Variants in CLVS1 observed in about 807,000 individuals in gnomAD.
CLVS1 encodes the protein clavesin-1.
A neutral mutation model predicts 33.1 loss-of-function variants in CLVS1; 10 were observed. The ratio of observed to expected loss-of-function variants is 0.30; its 90% CI spans 0.19 to 0.51. CLVS1 has a LOEUF of 0.51. Ranked by LOEUF, CLVS1 falls within the 20% of genes least tolerant of loss-of-function variation. CLVS1 has a pLI of 0.97. For missense variants in CLVS1, 343 were observed against 433.4 expected, an observed-to-expected ratio of 0.79 and a Z score of 1.85; for synonymous variants, 163 against 166.1, an observed-to-expected ratio of 0.98 and a Z score of 0.14.
intron 2 of CLVS1, among the ~76,000 whole-genome samples, chr8:61,161,827 T>G (rs897702716): frequency 6.6e-6 from 1 of 152,242 alleles, no homozygotes; most frequent in Non-Finnish European, 1.5e-5. Context: ...TGTGAGGTGA[T>G]GGCTATGTTG....
the CLVS1 span, among the ~76,000 whole-genome samples, chr8:61,045,376 T>C: frequency 6.6e-6 from 1 of 152,198 alleles, no homozygotes; most frequent in Non-Finnish European, 1.5e-5. Context: ...TGACAAGGGA[T>C]CACCTATAAC....
the CLVS1 span, among the ~76,000 whole-genome samples, chr8:60,972,340 A>C: frequency 6.6e-6 from 1 of 152,312 alleles, no homozygotes; most frequent in East Asian, 1.9e-4. Flanking sequence ...GCATGGGCCA[A>C]ACTAACTCTG....
chr8:61,169,973 C>T (rs1001425052), intron 2 of CLVS1, among the ~76,000 whole-genome samples: 2 of 152,120 alleles, frequency 1.3e-5, no homozygotes, highest in Non-Finnish European at 2.9e-5. Context: ...ACAGAAGCTA[C>T]TTATTATTGT....
In CLVS1 at chr8:61,414,697, A is replaced by C. The variant is rs962366902; in HGVS notation, c.630+37918A>C. Among the ~76,000 whole-genome samples, 10 of 152,308 alleles carry C rather than the reference A, an allele frequency of 6.6e-5. No individual in the cohort carries two copies. The East Asian group carries it at 1.9e-3, about 29-fold the overall frequency. ...TAAGGAAAGCTGAAGTCCACAGATG[A>C]AGAGAAAGAGAAACACCCTCAAGGT... On this transcript the variant is annotated intron_variant, in intron 3 of 5. Coordinates refer to ENST00000325897, the MANE Select transcript of CLVS1 (RefSeq NM_173519.3).
chr8:61,309,528 G>A lies in CLVS1; in HGVS notation c.455+9246G>A, dbSNP rs575155714. On this transcript the variant is annotated intron_variant, in intron 2 of 5. Coordinates refer to ENST00000325897, the MANE Select transcript of CLVS1 (RefSeq NM_173519.3). The stretch of plus-strand genomic sequence containing the variant: ...TTTCCTTCACGATTGTGAACATGAA[G>A]ACACTGTCATATTTACTTTCTCATG... Among the ~76,000 whole-genome samples the A allele has an allele frequency of 2.0e-5, 3 of 152,138 alleles. No homozygotes were observed. In the South Asian group the frequency reaches 6.3e-4, roughly 32 times the overall value.
At chr8:61,233,060 ATTAT>A (rs1336280257) in intron 2 of CLVS1, among the ~76,000 whole-genome samples, 1 of 152,248 alleles carries the variant, frequency 6.6e-6, no homozygotes, top group Non-Finnish European at 1.5e-5. Flanking sequence ...TCAAAAACTC[ATTAT>A]TTATTAATCA....
At chr8:61,321,968 A>T (rs939514204) in intron 2 of CLVS1, among the ~76,000 whole-genome samples, 1 of 152,052 alleles carries the variant, frequency 6.6e-6, no homozygotes, top group Non-Finnish European at 1.5e-5. Context: ...TACATCTATC[A>T]GTTTCTAAAA....
chr8:61,088,502 A>T (rs201773657), intron 1 of CLVS1, among the ~76,000 whole-genome samples: 18,490 of 149,868 alleles, frequency 0.12, 1,475 homozygotes, highest in East Asian at 0.23. Context: ...AAAAAAAAAA[A>T]AAAAGGAGCA....
intron 2 of CLVS1, among the ~76,000 whole-genome samples, chr8:61,165,687 T>C (rs1026002530): frequency 6.6e-6 from 1 of 152,188 alleles, no homozygotes; most frequent in Non-Finnish European, 1.5e-5. Context: ...TGCTGTCTCA[T>C]GCCTCCCTAA....
chr8:61,354,695 A>C (rs1457794327), intron 2 of CLVS1, among the ~76,000 whole-genome samples: 4 of 152,170 alleles, frequency 2.6e-5, no homozygotes, highest in African/African-American at 9.6e-5. Flanking sequence ...ATGAATCTTC[A>C]TGTAATTATG....
At chr8:61,421,571 G>T (rs1434381910) in intron 3 of CLVS1, among the ~76,000 whole-genome samples, 1 of 152,096 alleles carries the variant, frequency 6.6e-6, no homozygotes, top group Non-Finnish European at 1.5e-5. Context: ...CTGTGAAAGG[G>T]ACTAAATTTT....
At chr8:61,138,638 G>A (rs1806238855) in intron 2 of CLVS1, among the ~76,000 whole-genome samples, 1 of 151,666 alleles carries the variant, frequency 6.6e-6, no homozygotes, top group South Asian at 2.1e-4. Context: ...GTAAGGGTGG[G>A]GGGATAGGGG....
At chr8:61,059,029 CA>C (rs1804530187) in intron 1 of CLVS1, among the ~76,000 whole-genome samples, 2 of 152,142 alleles carry the variant, frequency 1.3e-5, no homozygotes. Flanking sequence ...TTTGTGTGGA[CA>C]TGTGCTTTCT....
intron 3 of CLVS1, among the ~76,000 whole-genome samples, chr8:61,403,204 T>C (rs1247301065): frequency 6.6e-6 from 1 of 152,178 alleles, no homozygotes; most frequent in Non-Finnish European, 1.5e-5. Context: ...TGGGATGGAA[T>C]CATGCATAGA....
At chr8:61,425,095 G>A (rs1166386748) in intron 3 of CLVS1, among the ~76,000 whole-genome samples, 1 of 152,050 alleles carries the variant, frequency 6.6e-6, no homozygotes, top group East Asian at 1.9e-4. Flanking sequence ...TTTGGCTAAG[G>A]AATACTCGAC....
At chr8:61,093,261 T>C (rs10089771) in intron 1 of CLVS1, among the ~76,000 whole-genome samples, 21,374 of 152,158 alleles carry the variant, frequency 0.14, 1,615 homozygotes, top group East Asian at 0.21. Context: ...GTGTCCCCTA[T>C]ATACCTTGAG....
intron 5 of CLVS1, among the ~76,000 whole-genome samples, chr8:61,466,067 C>T (rs946582583): frequency 6.6e-6 from 1 of 152,220 alleles, no homozygotes; most frequent in African/African-American, 2.4e-5. Context: ...CTCACTTTCT[C>T]CTACCTAATT....
chr8:61,133,571 T>A (rs560421342), intron 2 of CLVS1, among the ~76,000 whole-genome samples: 1 of 152,002 alleles, frequency 6.6e-6, no homozygotes, highest in Non-Finnish European at 1.5e-5. Context: ...TGAGAAGTCA[T>A]CCTGTGAATG....
At chr8:61,337,187 C>CT (rs1811838418) in intron 2 of CLVS1, among the ~76,000 whole-genome samples, 1 of 152,134 alleles carries the variant, frequency 6.6e-6, no homozygotes. Context: ...GTAGTAAACA[C>CT]TTTTAAGGGC....
Sources: allele counts gnomAD v4.1 joint callset (sites outside exome capture counted in the v4.1 genomes callset), GRCh38; gene constraint gnomAD v4.1.1; transcripts MANE v1.5; gene names NCBI Gene and HGNC (gene_info 2026-07-23, HGNC 2026-07-21).